Variants in DOCK10 observed in about 807,000 individuals in gnomAD.
DOCK10 encodes the protein dedicator of cytokinesis 10, also known as dedicator of cytokinesis protein 10.
In DOCK10, 145 loss-of-function variants were observed where a neutral mutation model predicts 280.1. That is an observed-to-expected ratio of 0.52 (90% confidence interval 0.45 to 0.59). The LOEUF (loss-of-function observed/expected upper bound fraction) is 0.59. Among genes scored for constraint, DOCK10 ranks in the 20% least tolerant of loss-of-function variants. The pLI is 0.00. For synonymous variants in DOCK10, 915 were observed against 942.2 expected (o/e 0.97, Z 0.53); for missense variants, 2,368 against 2,651.7 (o/e 0.89, Z 2.35).
chr2:224,938,667 T>A lies in DOCK10; in HGVS notation c.124-6999A>T, dbSNP rs1326476298. Among the ~76,000 whole-genome samples, 3 of 152,230 alleles carry A rather than the reference T, an allele frequency of 2.0e-5. No individual in the cohort carries two copies. The East Asian group carries it at 5.8e-4, about 29-fold the overall frequency. On this transcript the variant is annotated intron_variant, in intron 1 of 55. Transcript: ENST00000258390. ...AAATGACACATGGATTCTTTAGACC[T>A]TGACTTAATCCAGGACCCTTTGACC...
rs181989824 is a variant in DOCK10, at chr2:224,812,428, G to T, written c.3409+1892C>A. Among the ~76,000 whole-genome samples the T allele has an allele frequency of 3.0e-3, 457 of 152,282 alleles. 1 individual carries two copies. Among genetic ancestry groups the T allele is most frequent in the Admixed American group, 6.1e-3 (93 of 15,290 alleles). The stretch of plus-strand genomic sequence containing the variant: ...TTCTAGATACACAATCATGTCAACT[G>T]CAAACAGGGACAATTTGACTTCCTC... On this transcript the variant is annotated intron_variant, in intron 31 of 55. Transcript: ENST00000258390.
At chr2:225,033,914 T>G (rs1185089729) in intron 1 of DOCK10, among the ~76,000 whole-genome samples, 1 of 152,218 alleles carries the variant, frequency 6.6e-6, no homozygotes, top group African/African-American at 2.4e-5. Context: ...CTTTCACAGT[T>G]GAAGGAGCCT....
At chr2:224,993,441 T>C (rs988194161) in intron 1 of DOCK10, among the ~76,000 whole-genome samples, 12 of 152,154 alleles carry the variant, frequency 7.9e-5, no homozygotes, top group African/African-American at 2.9e-4. Context: ...CTACTGGTTA[T>C]GGGCTCAACT....
chr2:224,767,639 C>T (rs1690146832), intron 55 of DOCK10, among the ~76,000 whole-genome samples: 1 of 152,170 alleles, frequency 6.6e-6, no homozygotes, highest in Non-Finnish European at 1.5e-5. Context: ...GGTCATCAGA[C>T]ACTTCTTGAT....
In DOCK10 at chr2:224,853,012, G is replaced by A. The variant is rs565315304; in HGVS notation, c.1999C>T (p.Pro667Ser). 6.2e-7 allele frequency: 1 copy of A among 1,612,480 alleles called. No homozygotes were observed. The highest frequency in any genetic ancestry group is 1.1e-5 in the South Asian group (1 of 90,910). ...ATTTGATTTTTATATACTCTGTAAGGCCGACAATACTTTGTTGAATCGTAA... is the reference window on the plus strand; with the variant it reads ...ATTTGATTTTTATATACTCTGTAAGACCGACAATACTTTGTTGAATCGTAA... ...FVYDSTKYCR[P>S]YRVYKNQIYI... The change falls in exon 17 of 56, where the codon CCT becomes TCT. Residue 667 changes from proline to serine, a missense_variant. By Grantham distance (74) the Pro-to-Ser change is moderately conservative. Coordinates refer to ENST00000258390, the MANE Select transcript of DOCK10 (RefSeq NM_014689.3).
chr2:224,794,712 C>T (rs1692433680), intron 45 of DOCK10, among the ~76,000 whole-genome samples, 167 bp downstream of exon 45: 1 of 152,146 alleles, frequency 6.6e-6, no homozygotes. Flanking sequence ...CGTTAGGTAT[C>T]CTTGAATGCT....
rs542722831 is a variant in DOCK10, at chr2:224,945,077, C to T, written c.124-13409G>A. Among the ~76,000 whole-genome samples, 3 of 152,236 alleles carry T rather than the reference C, an allele frequency of 2.0e-5. No individual in the cohort carries two copies. The South Asian group carries it at 6.2e-4, about 32-fold the overall frequency. ...CTTGCCAACACTGTATGAGTGGTCT[C>T]GGTAAGATAGACACGTTCTTCTGTG... is the stretch of plus-strand genomic sequence containing the variant. On this transcript the variant is annotated intron_variant, in intron 1 of 55. Transcript: ENST00000258390.
At chr2:224,993,875 T>G (rs1180306761) in intron 1 of DOCK10, among the ~76,000 whole-genome samples, 1 of 152,172 alleles carries the variant, frequency 6.6e-6, no homozygotes, top group Non-Finnish European at 1.5e-5. Context: ...CCTGGTCAGC[T>G]GCATGTACTC....
intron 3 of DOCK10, among the ~76,000 whole-genome samples, chr2:224,905,471 G>T (rs963093729): frequency 6.6e-6 from 1 of 150,494 alleles, no homozygotes; most frequent in Admixed American, 6.6e-5. Flanking sequence ...GGATGGTCTC[G>T]ATCTCCTGAC....
Position 224,807,912 on chromosome 2 carries a change from G to A in DOCK10, c.3584C>T (p.Pro1195Leu). Residue 1195 changes from proline to leucine, a missense_variant and splice_region_variant, in exon 32 of 56, where the codon CCA becomes CTA. Coordinates refer to ENST00000258390, the MANE Select transcript of DOCK10 (RefSeq NM_014689.3). ...KHSFDDRYRE[P>L]RKQAQIASLY... ...AAGGGAGAAAGGAAGATCACTTACT[G>A]GCTCTCTGTATCGATCATCAAATGA... 6.2e-7 allele frequency: 1 copy of A among 1,610,302 alleles called. No individual in the cohort carries two copies. Among genetic ancestry groups the A allele is most frequent in the Non-Finnish European group, 8.5e-7 (1 of 1,177,472 alleles).
Position 224,877,320 on chromosome 2 carries a change from G to C in DOCK10, c.748-1099C>G, listed in dbSNP as rs1324512263. Among the ~76,000 whole-genome samples, 3 of 151,852 alleles carry C rather than the reference G, an allele frequency of 2.0e-5. 1 individual carries two copies. The highest frequency in any genetic ancestry group is 6.4e-3 in the Middle Eastern group (2 of 314). ...GTCTCCCTTAAGGCTACCTCCATGA[G>C]GACTGGGTCAGTTTTCCTAACCACC... On this transcript the variant is annotated intron_variant, in intron 7 of 55. Coordinates refer to ENST00000258390, the MANE Select transcript of DOCK10 (RefSeq NM_014689.3).
intron 7 of DOCK10, 50 bp downstream of exon 7, chr2:224,885,621 A>G: frequency 6.7e-7 from 1 of 1,501,858 alleles, no homozygotes; most frequent in Non-Finnish European, 8.9e-7. Flanking sequence ...TGTTAAATAT[A>G]CTTTTCAAAT....
intron 50 of DOCK10, among the ~76,000 whole-genome samples, chr2:224,778,757 G>A (rs1389286423): frequency 2.0e-5 from 3 of 152,202 alleles, no homozygotes; most frequent in East Asian, 1.9e-4. Flanking sequence ...ATGGGCTGAC[G>A]TGCATCCCAC....
At chr2:224,931,194 C>T (rs1702349654) in intron 2 of DOCK10, among the ~76,000 whole-genome samples, 2 of 152,188 alleles carry the variant, frequency 1.3e-5, no homozygotes, top group Admixed American at 1.3e-4. Flanking sequence ...TGGTTGGTTT[C>T]AGTTGCTTGG....
chr2:224,809,561 C>T (rs1203944925), intron 31 of DOCK10, among the ~76,000 whole-genome samples: 1 of 152,060 alleles, frequency 6.6e-6, no homozygotes, highest in East Asian at 1.9e-4. Flanking sequence ...TCTGAATAGA[C>T]ATTTTTTGAA....
chr2:224,864,790 C>A, intron 12 of DOCK10, 76 bp downstream of exon 12: 1 of 1,587,690 alleles, frequency 6.3e-7, no homozygotes, highest in East Asian at 2.2e-5. Flanking sequence ...CAGGAAATTG[C>A]TCATCTTATA....
intron 1 of DOCK10, among the ~76,000 whole-genome samples, chr2:224,964,992 G>C (rs1268722095): frequency 6.6e-6 from 1 of 152,086 alleles, no homozygotes; most frequent in Non-Finnish European, 1.5e-5. Flanking sequence ...TCTCTTTGAT[G>C]GTTTATGTCA....
chr2:224,818,456 TG>T (rs1220449816), intron 29 of DOCK10, among the ~76,000 whole-genome samples: 1 of 146,288 alleles, frequency 6.8e-6, no homozygotes, highest in East Asian at 2.0e-4. Flanking sequence ...TGGAATGCAG[TG>T]GCGCGATCTC....
intron 31 of DOCK10, among the ~76,000 whole-genome samples, chr2:224,813,734 A>G (rs1693940422): frequency 1.3e-5 from 2 of 152,236 alleles, no homozygotes; most frequent in Non-Finnish European, 2.9e-5. Context: ...AAGCTACTGA[A>G]TGTGGAAATT....
Sources: allele counts gnomAD v4.1 joint callset (sites outside exome capture counted in the v4.1 genomes callset), GRCh38; gene constraint gnomAD v4.1.1; transcripts MANE v1.5; gene names NCBI Gene and HGNC (gene_info 2026-07-23, HGNC 2026-07-21).